Variants in CARMIL1 observed in about 807,000 individuals in gnomAD.
The protein encoded by CARMIL1 is capping protein regulator and myosin 1 linker 1.
Under a neutral mutation model 177.1 loss-of-function variants are expected in CARMIL1, and 90 were observed. The observed-to-expected ratio is 0.51, with a 90% CI of 0.43 to 0.61. CARMIL1 has a LOEUF of 0.61. Ranked by LOEUF, CARMIL1 falls within the 20% of genes least tolerant of loss-of-function variation. The probability of loss-of-function intolerance (pLI) is 0.00; values close to 1 mark genes in which losing one functional copy is unlikely to be tolerated. For synonymous variants in CARMIL1, 577 were observed against 606.2 expected, an observed-to-expected ratio of 0.95 and a Z score of 0.71; for missense variants, 1,380 against 1,667.0, an observed-to-expected ratio of 0.83 and a Z score of 3.00.
chr6:25,479,650 T>TA (rs1392554351), intron 11 of CARMIL1, among the ~76,000 whole-genome samples: 1 of 152,166 alleles, frequency 6.6e-6, no homozygotes, highest in Non-Finnish European at 1.5e-5. Context: ...GCTATCTATT[T>TA]AACTGGATTC....
chr6:25,500,952 C>T (rs1375367840), intron 17 of CARMIL1, among the ~76,000 whole-genome samples: 4 of 151,332 alleles, frequency 2.6e-5, no homozygotes, highest in Admixed American at 6.6e-5. Context: ...TTAGTAGAGA[C>T]GGGGTTTCAC....
At chr6:25,494,572 T>C (rs1254389889) in intron 15 of CARMIL1, among the ~76,000 whole-genome samples, 1 of 152,228 alleles carries the variant, frequency 6.6e-6, no homozygotes, top group Non-Finnish European at 1.5e-5. Context: ...ATAGTTGGCC[T>C]GAAATGATTA....
At chr6:25,443,225 CATA>C (rs1158435038) in intron 5 of CARMIL1, among the ~76,000 whole-genome samples, 1 of 152,222 alleles carries the variant, frequency 6.6e-6, no homozygotes, top group Non-Finnish European at 1.5e-5. Flanking sequence ...TGTTTCTTTG[CATA>C]ATATCTGCTT....
intron 23 of CARMIL1, among the ~76,000 whole-genome samples, chr6:25,528,529 A>T (rs1206700677): frequency 3.3e-5 from 5 of 152,210 alleles, no homozygotes; most frequent in Non-Finnish European, 5.9e-5. Context: ...CCCTTCAGGC[A>T]ATTAAAAGCT....
At chr6:25,394,323 A>G (rs907161203) in intron 2 of CARMIL1, among the ~76,000 whole-genome samples, 2 of 152,220 alleles carry the variant, frequency 1.3e-5, no homozygotes, top group African/African-American at 4.8e-5. Flanking sequence ...ACGCTAGAAG[A>G]CAAGTGCTAA....
At chr6:25,555,134 A>G (rs1436564082) in intron 28 of CARMIL1, among the ~76,000 whole-genome samples, 1 of 152,178 alleles carries the variant, frequency 6.6e-6, no homozygotes, top group Non-Finnish European at 1.5e-5. Flanking sequence ...GAAAAAATAT[A>G]GTTTTTCATT....
chr6:25,509,422 T>C lies in CARMIL1; in HGVS notation c.1396-234T>C, dbSNP rs557459503. 1.3e-5 allele frequency among the ~76,000 whole-genome samples: 2 copies of C among 152,320 alleles called. No individual in the cohort carries two copies. The highest frequency in any genetic ancestry group is 1.3e-4 in the Admixed American group (2 of 15,298). On this transcript the variant is annotated intron_variant, in intron 17 of 36. Coordinates refer to ENST00000329474, the MANE Select transcript of CARMIL1 (RefSeq NM_017640.6). The surrounding 1 kb of genome is among the most constrained non-coding windows in gnomAD (Gnocchi z 4.1). ...TGGTCATCTTGTTTCTCTTTTGTTT[T>C]TTTCTAATGTTTTTAGGATTTAATG...
chr6:25,420,028 G>T, intron 2 of CARMIL1, 86 bp from the exon 3 acceptor site: 2 of 983,344 alleles, frequency 2.0e-6, no homozygotes, highest in East Asian at 2.4e-5. Flanking sequence ...TGAGGTTTCA[G>T]TATCATTAAA....
chr6:25,490,603 C>A (rs975982354), intron 13 of CARMIL1, among the ~76,000 whole-genome samples: 1 of 151,904 alleles, frequency 6.6e-6, no homozygotes, highest in Non-Finnish European at 1.5e-5. Flanking sequence ...GAGGTTGAAG[C>A]GGGAGGATGG....
chr6:25,449,874 G>A, intron 5 of CARMIL1, 24 bp from the exon 6 acceptor site: 1 of 1,452,790 alleles, frequency 6.9e-7, no homozygotes, highest in Non-Finnish European at 9.5e-7. Context: ...TTTGTGAAAT[G>A]TGTTGTTGTT....
chr6:25,331,135 T>C (rs958131570), intron 2 of CARMIL1, among the ~76,000 whole-genome samples: 1 of 152,204 alleles, frequency 6.6e-6, no homozygotes, highest in African/African-American at 2.4e-5. Flanking sequence ...AGTATCTCCC[T>C]TGCTTGTACT....
intron 33 of CARMIL1, among the ~76,000 whole-genome samples, chr6:25,603,213 A>C (rs1346153407): frequency 1.3e-5 from 2 of 152,212 alleles, no homozygotes; most frequent in Non-Finnish European, 2.9e-5. Context: ...GACTTCATGG[A>C]TGGTCCCCAG....
intron 2 of CARMIL1, among the ~76,000 whole-genome samples, chr6:25,400,129 ACAT>A (rs1793766436): frequency 1.3e-5 from 2 of 152,224 alleles, no homozygotes; most frequent in East Asian, 3.8e-4. Flanking sequence ...TCCATGCAGT[ACAT>A]CTGTGCAGCT....
chr6:25,458,992 A>G (rs1799770783), intron 8 of CARMIL1, among the ~76,000 whole-genome samples: 1 of 152,152 alleles, frequency 6.6e-6, no homozygotes, highest in Non-Finnish European at 1.5e-5. Flanking sequence ...TCTTAATTGA[A>G]AAGAAAAATA....
chr6:25,410,398 G>A (rs569803466), intron 2 of CARMIL1, among the ~76,000 whole-genome samples: 5 of 152,298 alleles, frequency 3.3e-5, no homozygotes, highest in African/African-American at 9.6e-5. Context: ...TCCTTCATGT[G>A]CCAGGTACTT....
At chr6:25,594,913 A>G (rs949834525) in intron 32 of CARMIL1, among the ~76,000 whole-genome samples, 1 of 152,204 alleles carries the variant, frequency 6.6e-6, no homozygotes, top group Admixed American at 6.5e-5. Context: ...ATTACAGGGT[A>G]ATGATCATGG....
intron 2 of CARMIL1, among the ~76,000 whole-genome samples, chr6:25,404,356 T>G (rs1794162804): frequency 6.6e-6 from 1 of 152,346 alleles, no homozygotes; most frequent in African/African-American, 2.4e-5. Context: ...TCTTATGGGT[T>G]TTGCAGCAGG....
rs559886606 is a variant in CARMIL1, at chr6:25,577,037, T to A, written c.2743-3887T>A. ...CTCTGCGGTTTCTGGCTGTACTACTTTATATTCTTGTGCTCCATTTGCTTC... is the reference window on the plus strand; with the variant it reads ...CTCTGCGGTTTCTGGCTGTACTACTATATATTCTTGTGCTCCATTTGCTTC... On this transcript the variant is annotated intron_variant, in intron 29 of 36. Coordinates refer to ENST00000329474, the MANE Select transcript of CARMIL1 (RefSeq NM_017640.6). This position sits in a 1 kb window ranked among gnomAD's most constrained non-coding sequence, Gnocchi z 4.5. 2.0e-4 allele frequency: 194 copies of A among 985,370 alleles called. No homozygotes were observed. The South Asian group carries it at 7.8e-3, about 40-fold the overall frequency. The allele number at this position is 985,370 out of a possible 1,614,324, so 61.0% of individuals were successfully genotyped here.
In CARMIL1 at chr6:25,561,352, C is replaced by T. The variant is rs372758097; in HGVS notation, c.2742+4502C>T. Among the ~76,000 whole-genome samples the T allele has an allele frequency of 7.4e-4, 112 of 152,292 alleles. 2 individuals are homozygous for T. The South Asian group carries it at 0.02, about 28-fold the overall frequency. On this transcript the variant is annotated intron_variant, in intron 29 of 36. Coordinates refer to ENST00000329474, the MANE Select transcript of CARMIL1 (RefSeq NM_017640.6). ...GAAGAGCCAGTGTCTGCTCCTTAGG[C>T]ATAACTAGCTCACTAATTGTATGTA...
Sources: allele counts gnomAD v4.1 joint callset (sites outside exome capture counted in the v4.1 genomes callset), GRCh38; gene constraint gnomAD v4.1.1; non-coding constraint Gnocchi (gnomAD v3.1); transcripts MANE v1.5; gene names NCBI Gene and HGNC (gene_info 2026-07-23, HGNC 2026-07-21).